The following DOCK3 variants were observed in gnomAD, a reference collection of about 807,000 sequenced individuals.
DOCK3 encodes dedicator of cytokinesis protein 3.
Under a neutral mutation model 265.6 loss-of-function variants are expected in DOCK3, and 60 were observed. The observed-to-expected ratio is 0.23, with a 90% CI of 0.18 to 0.28. The LOEUF is 0.28. DOCK3 is among the 10% of genes least tolerant of loss of function. The pLI, the probability that DOCK3 is intolerant of heterozygous loss-of-function variation, is 1.00. For missense variants in DOCK3, 1,981 were observed against 2,594.3 expected (o/e 0.76, Z 5.14); for synonymous variants, 881 against 938.0 (o/e 0.94, Z 1.11).
chr3:50,894,564 T>A (rs1043268975), intron 4 of DOCK3, among the ~76,000 whole-genome samples: 11 of 152,064 alleles, frequency 7.2e-5, no homozygotes, highest in African/African-American at 2.7e-4. Flanking sequence ...TATACACATA[T>A]ACAGAATATT....
rs746439879 is a variant in DOCK3 at position 51,275,188 on chromosome 3, C to T, written c.2658C>T (p.Ile886=). The T allele has an allele frequency of 9.9e-6, 16 of 1,613,880 alleles. No homozygotes were observed. The highest frequency in any genetic ancestry group is 1.3e-5 in the African/African-American group (1 of 74,940). ...CSGILGSIFS[I]VKTSSLEADV... is the part of the protein sequence containing the mutation. The stretch of plus-strand genomic sequence containing the variant: ...GGATTCTTGGCAGCATCTTCTCCAT[C>T]GTCAAGACCAGCTCTCTGGTAGTGG... The change falls in exon 25 of 53, where the codon ATC becomes ATT. Residue 886 remains isoleucine, a synonymous_variant. Transcript: ENST00000266037.
intron 2 of DOCK3, chr3:50,787,815 T>A (rs2675805): frequency 1 from 1,114,800 of 1,119,942 alleles, 555,013 homozygotes; most frequent in East Asian, 1. Context: ...CCCCTTCCTC[T>A]CTCTCTTCCT....
chr3:50,940,946 G>A (rs908300043), intron 5 of DOCK3, among the ~76,000 whole-genome samples: 1 of 152,060 alleles, frequency 6.6e-6, no homozygotes, highest in Non-Finnish European at 1.5e-5. Flanking sequence ...TGGATTATAG[G>A]CTCAAATGTA....
At chr3:51,033,885 GTC>G (rs2080150556) in intron 5 of DOCK3, among the ~76,000 whole-genome samples, 1 of 152,116 alleles carries the variant, frequency 6.6e-6, no homozygotes, top group South Asian at 2.1e-4. Context: ...TATGGCAAAA[GTC>G]TCTATAAGCT....
intron 3 of DOCK3, among the ~76,000 whole-genome samples, chr3:50,847,997 G>A (rs2046172670): frequency 6.6e-6 from 1 of 151,678 alleles, no homozygotes; most frequent in African/African-American, 2.4e-5. Context: ...GGGTGCCTAT[G>A]TATTTAGGAT....
chr3:50,928,452 T>C (rs2050887792), intron 4 of DOCK3, among the ~76,000 whole-genome samples: 1 of 152,220 alleles, frequency 6.6e-6, no homozygotes, highest in African/African-American at 2.4e-5. Context: ...TCATGATTCA[T>C]CTATGTTGTA....
Position 51,199,663 on chromosome 3 carries a change from G to A in DOCK3, c.1038-9111G>A, listed in dbSNP as rs1350072815. 2.6e-5 allele frequency among the ~76,000 whole-genome samples: 4 copies of A among 152,336 alleles called. No homozygotes were observed. In the East Asian group the frequency reaches 7.7e-4, roughly 29 times the overall value. On this transcript the variant is annotated intron_variant, in intron 12 of 52. Coordinates refer to ENST00000266037, the MANE Select transcript of DOCK3 (RefSeq NM_004947.5). Reference sequence around the variant, plus strand: ...AACCTCTGCAGACTTAAATGTCCCTGTCTGACAGCTTTGAAGAGAGCAGTG... The same window carrying A: ...AACCTCTGCAGACTTAAATGTCCCTATCTGACAGCTTTGAAGAGAGCAGTG...
At chr3:51,160,837 G>GAATAC in intron 12 of DOCK3, 135 bp downstream of exon 12, 1 of 1,133,594 alleles carries the variant, frequency 8.8e-7, no homozygotes, top group Non-Finnish European at 1.2e-6. Context: ...AACACTTTGG[G>GAATAC]AGGCCAAGGT....
intron 2 of DOCK3, among the ~76,000 whole-genome samples, chr3:50,779,550 AT>A (rs1369184915): frequency 2.0e-5 from 3 of 151,880 alleles, no homozygotes; most frequent in Non-Finnish European, 4.4e-5. Context: ...CGCCCAGCTA[AT>A]TTTTGTAGTT....
chr3:51,379,443 C>G (rs2088426904), intron 51 of DOCK3: 1 of 985,484 alleles, frequency 1.0e-6, no homozygotes, highest in African/African-American at 1.7e-5. Context: ...TGTTTCCACC[C>G]TTCAGCTGTG....
intron 9 of DOCK3, among the ~76,000 whole-genome samples, chr3:51,135,200 C>G (rs934259968): frequency 2.0e-5 from 3 of 152,188 alleles, no homozygotes; most frequent in African/African-American, 7.2e-5. Flanking sequence ...TTTATATCTT[C>G]TCTGGTTGAT....
At chr3:50,754,429 T>G (rs1559596013) in intron 1 of DOCK3, among the ~76,000 whole-genome samples, 1 of 152,068 alleles carries the variant, frequency 6.6e-6, no homozygotes, top group Non-Finnish European at 1.5e-5. Flanking sequence ...ACCCCTTGCA[T>G]CTAAAAAGTT....
At chr3:51,013,594 G>T (rs1182604020) in intron 5 of DOCK3, among the ~76,000 whole-genome samples, 1 of 152,180 alleles carries the variant, frequency 6.6e-6, no homozygotes, top group Non-Finnish European at 1.5e-5. Context: ...GCCCCTATTG[G>T]GAGGTGTCTC....
intron 2 of DOCK3, among the ~76,000 whole-genome samples, chr3:50,825,637 C>T (rs2044715245): frequency 6.6e-6 from 1 of 152,108 alleles, no homozygotes; most frequent in Non-Finnish European, 1.5e-5. Flanking sequence ...AGTATGCCTA[C>T]TGAGTATTGA....
chr3:50,857,222 T>C (rs1050782876), intron 3 of DOCK3, among the ~76,000 whole-genome samples: 3 of 152,128 alleles, frequency 2.0e-5, no homozygotes, highest in Admixed American at 2.0e-4. Flanking sequence ...CTCCTTGATA[T>C]TTTGGAATAG....
At chr3:50,779,082 G>A (rs749035745) in intron 2 of DOCK3, among the ~76,000 whole-genome samples, 5 of 152,030 alleles carry the variant, frequency 3.3e-5, no homozygotes, top group African/African-American at 4.8e-5. Context: ...ATCATCTCAA[G>A]CATTTACCTT....
At chr3:51,123,801 CACAG>C (rs2084144212) in intron 9 of DOCK3, among the ~76,000 whole-genome samples, 1 of 152,192 alleles carries the variant, frequency 6.6e-6, no homozygotes, top group Admixed American at 6.5e-5. Context: ...GTATTGTTCA[CACAG>C]ACAGTCTAGG....
intron 4 of DOCK3, among the ~76,000 whole-genome samples, chr3:50,924,029 A>T (rs532722062): frequency 1.8e-4 from 27 of 151,952 alleles, no homozygotes; most frequent in African/African-American, 5.5e-4. Context: ...TTGTTTGTTC[A>T]GTGGCAGGGG....
At chr3:51,316,425 A>G (rs1219934979) in intron 32 of DOCK3, among the ~76,000 whole-genome samples, 2 of 152,190 alleles carry the variant, frequency 1.3e-5, no homozygotes, top group Non-Finnish European at 2.9e-5. Flanking sequence ...TACTAAAAAC[A>G]TTTCTTTACA....
Sources: allele counts gnomAD v4.1 joint callset (sites outside exome capture counted in the v4.1 genomes callset), GRCh38; gene constraint gnomAD v4.1.1; transcripts MANE v1.5; gene names NCBI Gene and HGNC (gene_info 2026-07-23, HGNC 2026-07-21).